Variants in SLC35F3 observed in about 807,000 individuals in gnomAD.
SLC35F3 encodes the protein solute carrier family 35 member F3, also known as putative thiamine transporter SLC35F3.
A neutral mutation model predicts 49.9 loss-of-function variants in SLC35F3; 25 were observed. The ratio of observed to expected loss-of-function variants is 0.50; its 90% confidence interval spans 0.37 to 0.70. The LOEUF is 0.70. Among genes scored for constraint, SLC35F3 ranks in the 30% least tolerant of loss-of-function variants. The pLI is 0.00. For synonymous variants in SLC35F3, 275 were observed against 265.4 expected (o/e 1.04, Z -0.35); for missense variants, 525 against 639.8 (o/e 0.82, Z 1.94).
intron 2 of SLC35F3, among the ~76,000 whole-genome samples, chr1:233,992,350 A>C (rs1663368855): frequency 6.6e-6 from 1 of 152,206 alleles, no homozygotes; most frequent in Non-Finnish European, 1.5e-5. Flanking sequence ...GTAGCTCATA[A>C]TCTTGCAGGC....
Position 233,922,760 on chromosome 1 carries a change from C to A in SLC35F3, c.283+17002C>A, listed in dbSNP as rs946059704. Among the ~76,000 whole-genome samples, 75 of 152,222 alleles carry A rather than the reference C, an allele frequency of 4.9e-4. 1 individual carries two copies. The highest frequency in any genetic ancestry group is 1.7e-3 in the African/African-American group (70 of 41,554). ...TGAATGGTATTGCCTAGGTTTTCTTCTAGAGTTTTTATGGTTTTAGGTCTA... is the reference window on the plus strand; with the variant it reads ...TGAATGGTATTGCCTAGGTTTTCTTATAGAGTTTTTATGGTTTTAGGTCTA... On this transcript the variant is annotated intron_variant, in intron 2 of 7. Coordinates refer to ENST00000366618, the MANE Select transcript of SLC35F3 (RefSeq NM_173508.4).
chr1:233,945,265 G>A (rs531192614), intron 2 of SLC35F3, among the ~76,000 whole-genome samples: 1 of 151,976 alleles, frequency 6.6e-6, no homozygotes, highest in Non-Finnish European at 1.5e-5. Flanking sequence ...AAGGCCAGGC[G>A]GCATGCAGCC....
At chr1:233,905,904 G>C (rs1285716962) in intron 2 of SLC35F3, 146 bp downstream of exon 2, 2 of 725,692 alleles carry the variant, frequency 2.8e-6, no homozygotes, top group African/African-American at 3.6e-5. Context: ...GCAACTTCGA[G>C]GAAGAGGCCC....
At chr1:234,115,533 G>A (rs1665472718) in intron 2 of SLC35F3, among the ~76,000 whole-genome samples, 1 of 152,058 alleles carries the variant, frequency 6.6e-6, no homozygotes, top group South Asian at 2.1e-4. Flanking sequence ...CAAATGCTTA[G>A]GAATAAAGTA....
chr1:233,986,051 A>T (rs1391503685), intron 2 of SLC35F3, among the ~76,000 whole-genome samples: 1 of 152,144 alleles, frequency 6.6e-6, no homozygotes, highest in Non-Finnish European at 1.5e-5. Flanking sequence ...TAGTACCCTG[A>T]TCTTAAAAAT....
intron 2 of SLC35F3, among the ~76,000 whole-genome samples, chr1:233,926,925 G>A (rs924652526): frequency 1.5e-4 from 23 of 152,226 alleles, no homozygotes; most frequent in African/African-American, 4.6e-4. Flanking sequence ...GTTTGCTGGG[G>A]GTTCACTCCA....
chr1:234,273,242 A>G (rs979550841), intron 3 of SLC35F3, among the ~76,000 whole-genome samples: 2 of 152,184 alleles, frequency 1.3e-5, no homozygotes. Context: ...AGCTGTGTCT[A>G]CTTATTTTTA....
At chr1:234,017,905 A>G (rs540229141) in intron 2 of SLC35F3, among the ~76,000 whole-genome samples, 9 of 152,200 alleles carry the variant, frequency 5.9e-5, no homozygotes, top group Admixed American at 2.6e-4. Context: ...TCTAAGGCAC[A>G]TCAGAGCCTC....
intron 2 of SLC35F3, among the ~76,000 whole-genome samples, chr1:234,044,334 G>C (rs1664261587): frequency 6.6e-6 from 1 of 152,182 alleles, no homozygotes; most frequent in Non-Finnish European, 1.5e-5. Context: ...CAGGGATTCT[G>C]TTATAGCAAC....
intron 2 of SLC35F3, among the ~76,000 whole-genome samples, chr1:233,987,254 A>G (rs1663280996): frequency 1.3e-5 from 2 of 152,176 alleles, no homozygotes; most frequent in Admixed American, 6.5e-5. Context: ...GCACCACTGC[A>G]CTCCAGCCTG....
At chr1:234,026,348 A>C (rs1663978517) in intron 2 of SLC35F3, among the ~76,000 whole-genome samples, 3 of 152,178 alleles carry the variant, frequency 2.0e-5, no homozygotes, top group Admixed American at 2.0e-4. Context: ...AAGGTTGATA[A>C]ATTACTGGTA....
intron 2 of SLC35F3, among the ~76,000 whole-genome samples, chr1:234,194,506 A>G (rs1047607659): frequency 1.6e-4 from 24 of 152,296 alleles, no homozygotes; most frequent in African/African-American, 5.3e-4. Context: ...TTTACTGCTC[A>G]GGTGATGCAT....
intron 2 of SLC35F3, among the ~76,000 whole-genome samples, chr1:233,992,685 G>C (rs1663383762): frequency 6.6e-6 from 1 of 152,070 alleles, no homozygotes; most frequent in African/African-American, 2.4e-5. Flanking sequence ...CATGAGTTTT[G>C]GTGAGACAAA....
chr1:234,110,128 A>G (rs1665385265), intron 2 of SLC35F3, among the ~76,000 whole-genome samples: 1 of 152,004 alleles, frequency 6.6e-6, no homozygotes, highest in Non-Finnish European at 1.5e-5. Context: ...AGGTGGAGAA[A>G]AGGGAAGGTT....
At chr1:234,094,336 G>T (rs1242750641) in intron 2 of SLC35F3, among the ~76,000 whole-genome samples, 4 of 152,254 alleles carry the variant, frequency 2.6e-5, no homozygotes, top group African/African-American at 9.6e-5. Flanking sequence ...GTAGGAAATT[G>T]ATTTGCTTTT....
chr1:234,250,626 C>T (rs1462812973), intron 3 of SLC35F3, among the ~76,000 whole-genome samples: 1 of 146,972 alleles, frequency 6.8e-6, no homozygotes, highest in Non-Finnish European at 1.5e-5. Flanking sequence ...TGCACTCCAG[C>T]CTGGGCGACA....
At chr1:234,124,973 G>GTT (rs974090852) in intron 2 of SLC35F3, among the ~76,000 whole-genome samples, 1 of 152,156 alleles carries the variant, frequency 6.6e-6, no homozygotes, top group African/African-American at 2.4e-5. Context: ...CTTTCTTTTG[G>GTT]TTTGTAAGTG....
intron 2 of SLC35F3, among the ~76,000 whole-genome samples, chr1:234,123,245 G>T (rs546258183): frequency 3.9e-5 from 6 of 152,104 alleles, no homozygotes; most frequent in African/African-American, 7.2e-5. Context: ...TTTCATGTTT[G>T]TTGGCCACAT....
intron 2 of SLC35F3, among the ~76,000 whole-genome samples, chr1:234,017,847 T>C (rs1663827845): frequency 6.6e-6 from 1 of 151,820 alleles, no homozygotes. Context: ...TTGATTAACA[T>C]TGAACCCCTA....
Sources: allele counts gnomAD v4.1 joint callset (sites outside exome capture counted in the v4.1 genomes callset), GRCh38; gene constraint gnomAD v4.1.1; transcripts MANE v1.5; gene names NCBI Gene and HGNC (gene_info 2026-07-23, HGNC 2026-07-21).